GHR: variants seen among roughly 807,000 people sequenced by gnomAD.
GHR encodes GH receptor.
In GHR, 35 loss-of-function variants were observed where a neutral mutation model predicts 67.1. The observed-to-expected ratio is 0.52, with a 90% CI of 0.40 to 0.69. The LOEUF (loss-of-function observed/expected upper bound fraction) is 0.69, where lower values mean the gene tolerates loss of function less well. Among genes scored for constraint, GHR ranks in the 30% least tolerant of loss-of-function variants. GHR has a pLI of 0.00. For synonymous variants in GHR, 272 were observed against 269.1 expected (o/e 1.01, Z -0.10); for missense variants, 792 against 764.6 (o/e 1.04, Z -0.42).
chr5:42,562,443 C>G (rs1249837750), intron 1 of GHR, among the ~76,000 whole-genome samples: 2 of 152,020 alleles, frequency 1.3e-5, no homozygotes, highest in Non-Finnish European at 2.9e-5. Context: ...GAGTCGGGTC[C>G]CTATGCAGTG....
chr5:42,549,105 T>C (rs1420630553), intron 1 of GHR, among the ~76,000 whole-genome samples: 1 of 152,220 alleles, frequency 6.6e-6, no homozygotes, highest in East Asian at 1.9e-4. Context: ...GAAAGAGAAA[T>C]AGGGCTTTGT....
chr5:42,426,938 G>T (rs955877705), intron 1 of GHR, among the ~76,000 whole-genome samples: 12 of 151,856 alleles, frequency 7.9e-5, no homozygotes, highest in African/African-American at 2.7e-4. Flanking sequence ...CTTTTTCATT[G>T]GTCAGTCCAT....
At chr5:42,467,469 G>C in intron 1 of GHR, 1 of 989,402 alleles carries the variant, frequency 1.0e-6, no homozygotes, top group South Asian at 1.4e-5. Context: ...TACATTTACA[G>C]CATTTTTCTG....
intron 2 of GHR, among the ~76,000 whole-genome samples, chr5:42,585,140 G>A (rs745794246): frequency 6.6e-6 from 1 of 152,152 alleles, no homozygotes; most frequent in Non-Finnish European, 1.5e-5. Context: ...TTAAGCCCCT[G>A]AATAGTCAGA....
intron 1 of GHR, among the ~76,000 whole-genome samples, chr5:42,507,943 T>C (rs564110566): frequency 1.3e-5 from 2 of 152,192 alleles, no homozygotes; most frequent in South Asian, 4.2e-4. Context: ...GCCTCCTGAG[T>C]GCAGAGCAGA....
At chr5:42,618,195 G>T (rs1481987488) in intron 2 of GHR, among the ~76,000 whole-genome samples, 1 of 152,012 alleles carries the variant, frequency 6.6e-6, no homozygotes, top group African/African-American at 2.4e-5. Context: ...CTTGCTAGTA[G>T]AGCTTCCATT....
rs111647433 is a variant in GHR, at chr5:42,575,035, C to T, written c.70+9091C>T. Among the ~76,000 whole-genome samples, 184 of 134,696 alleles carry T rather than the reference C, an allele frequency of 1.4e-3. 1 individual carries two copies. The highest frequency in any genetic ancestry group is 5.6e-3 in the African/African-American group (169 of 30,058). 88.4% of individuals were successfully genotyped at this position (134,696 alleles called of 152,430 possible). On this transcript the variant is annotated intron_variant, in intron 2 of 9. Coordinates refer to ENST00000230882, the MANE Select transcript of GHR (RefSeq NM_000163.5). ...TACTATGATCTGCCTAAGGGTGCAT[C>T]AAATTCCTCTGGTACTTATCCTATT...
At chr5:42,663,363 G>A (rs1035970679) in intron 3 of GHR, among the ~76,000 whole-genome samples, 28 of 152,110 alleles carry the variant, frequency 1.8e-4, no homozygotes, top group Non-Finnish European at 2.6e-4. Flanking sequence ...CTAGCAAACC[G>A]AATCCAGCAG....
intron 2 of GHR, among the ~76,000 whole-genome samples, chr5:42,594,771 T>C (rs748048017): frequency 5.3e-5 from 8 of 152,138 alleles, no homozygotes; most frequent in Non-Finnish European, 7.4e-5. Context: ...CAAAGAGCTT[T>C]TGTTTATGTG....
chr5:42,651,866 T>A (rs1755033697), intron 3 of GHR, among the ~76,000 whole-genome samples: 1 of 152,132 alleles, frequency 6.6e-6, no homozygotes, highest in South Asian at 2.1e-4. Context: ...CAGAAAAACT[T>A]CTTAAGAAAA....
intron 1 of GHR, among the ~76,000 whole-genome samples, chr5:42,532,348 T>TGATAGATAGATAGATAGATAGATAGATA (rs35216564): frequency 4.0e-5 from 6 of 151,208 alleles, no homozygotes; most frequent in African/African-American, 1.2e-4. Context: ...TTGATATAGA[T>TGATAGATAGATAGATAGATAGATAGATA]GATAGATAGA....
chr5:42,542,562 T>G (rs1177389340), intron 1 of GHR, among the ~76,000 whole-genome samples: 2 of 152,172 alleles, frequency 1.3e-5, no homozygotes, highest in Non-Finnish European at 2.9e-5. Context: ...ATAATTTTAG[T>G]GCACACTTAA....
At chr5:42,658,414 A>G (rs1486503853) in intron 3 of GHR, among the ~76,000 whole-genome samples, 1 of 152,214 alleles carries the variant, frequency 6.6e-6, no homozygotes, top group East Asian at 1.9e-4. Flanking sequence ...AATAATATAT[A>G]CAGCATACTC....
chr5:42,496,892 C>T (rs1286777045), intron 1 of GHR, among the ~76,000 whole-genome samples: 1 of 152,160 alleles, frequency 6.6e-6, no homozygotes, highest in Non-Finnish European at 1.5e-5. Context: ...GAACTAGACA[C>T]TCTGTTGGGT....
intron 1 of GHR, among the ~76,000 whole-genome samples, chr5:42,453,138 G>A (rs1291340342): frequency 6.6e-6 from 1 of 151,682 alleles, no homozygotes; most frequent in Non-Finnish European, 1.5e-5. Context: ...GTGCTTGTAG[G>A]GGTGAAGACT....
At chr5:42,441,276 G>A (rs1438717652) in intron 1 of GHR, among the ~76,000 whole-genome samples, 4 of 152,108 alleles carry the variant, frequency 2.6e-5, no homozygotes, top group Non-Finnish European at 4.4e-5. Flanking sequence ...GCTGATGAGG[G>A]GTAAAGTAAG....
chr5:42,671,943 A>G (rs1320302021), intron 3 of GHR, among the ~76,000 whole-genome samples: 6 of 139,700 alleles, frequency 4.3e-5, no homozygotes, highest in East Asian at 4.2e-4. Context: ...GCGACAGAGC[A>G]AGACTCCGTC....
chr5:42,676,116 C>T (rs1756561675), intron 3 of GHR, among the ~76,000 whole-genome samples: 1 of 152,050 alleles, frequency 6.6e-6, no homozygotes, highest in African/African-American at 2.4e-5. Flanking sequence ...GAAACCCAGT[C>T]TCTACTAAAA....
At chr5:42,654,352 C>T (rs1451593650) in intron 3 of GHR, among the ~76,000 whole-genome samples, 1 of 152,100 alleles carries the variant, frequency 6.6e-6, no homozygotes, top group Non-Finnish European at 1.5e-5. Context: ...CAATGCCCTG[C>T]CCCCCATGTA....
Sources: allele counts gnomAD v4.1 joint callset (sites outside exome capture counted in the v4.1 genomes callset), GRCh38; gene constraint gnomAD v4.1.1; transcripts MANE v1.5; gene names NCBI Gene and HGNC (gene_info 2026-07-23, HGNC 2026-07-21).